DLG3: variants seen among roughly 807,000 people sequenced by gnomAD.
DLG3 encodes discs large MAGUK scaffold protein 3.
In DLG3, 1 loss-of-function variant was observed where a neutral mutation model predicts 64.1. The observed-to-expected ratio is 0.02, with a 90% CI of 0.01 to 0.07. The LOEUF is 0.07. DLG3 is among the 10% of genes least tolerant of loss of function. The pLI is 1.00. For missense variants in DLG3, 429 were observed against 669.5 expected, an observed-to-expected ratio of 0.64 and a Z score of 3.96; for synonymous variants, 245 against 259.8, an observed-to-expected ratio of 0.94 and a Z score of 0.55.
In DLG3 at chrX:70,498,654, G is replaced by A. The variant is rs902044469; in HGVS notation, c.1870+84G>A. On this transcript the variant is annotated intron_variant, in intron 14 of 18. Transcript: ENST00000374360. The stretch of plus-strand genomic sequence containing the variant: ...CAGTGGGTGGCTGTGGCAGCAGAGG[G>A]AGGGACCTGGAGGAGGAGGAAGGCT... The A allele has an allele frequency of 5.7e-6, 5 of 871,706 alleles. No homozygotes were observed. The African/African-American group carries it at 1.2e-4, about 21-fold the overall frequency. 71.8% of individuals were successfully genotyped at this position (871,706 alleles called of 1,213,427 possible).
chrX:70,466,664 T>C (rs984107764), intron 9 of DLG3, among the ~76,000 whole-genome samples: 2 of 110,747 alleles, frequency 1.8e-5, no homozygotes, highest in African/African-American at 6.6e-5. Context: ...GGCCTCGAAC[T>C]CCTGGCCTCA....
intron 10 of DLG3, among the ~76,000 whole-genome samples, chrX:70,486,372 T>C (rs1245167259): frequency 8.9e-6 from 1 of 111,942 alleles, no homozygotes; most frequent in African/African-American, 3.2e-5. Flanking sequence ...TTTCCATGAA[T>C]TTTATTCTCT....
intron 7 of DLG3, chrX:70,452,428 G>C (rs2086629103): frequency 1.3e-5 from 12 of 949,436 alleles, no homozygotes; most frequent in African/African-American, 6.2e-5. Flanking sequence ...GACTCTGACC[G>C]GCCCGGTGGC....
At chrX:70,495,822 C>G in intron 13 of DLG3, among the ~76,000 whole-genome samples, 1 of 111,505 alleles carries the variant, frequency 9.0e-6, no homozygotes, top group Non-Finnish European at 1.9e-5. Context: ...GATTCTTCTC[C>G]CAGTGATACC....
chrX:70,499,120 G>GGACA, intron 14 of DLG3, 56 bp from the exon 15 acceptor site: 1 of 904,364 alleles, frequency 1.1e-6, no homozygotes, highest in Non-Finnish European at 1.6e-6. Flanking sequence ...CTCAGGGGTA[G>GGACA]GACAGGCTGT....
chrX:70,494,202 G>T (rs1340935568), intron 12 of DLG3, among the ~76,000 whole-genome samples: 1 of 112,752 alleles, frequency 8.9e-6, no homozygotes, highest in African/African-American at 3.2e-5. Context: ...AACGGAAGAA[G>T]AAATTTAATC....
intron 9 of DLG3, among the ~76,000 whole-genome samples, chrX:70,471,000 G>A (rs73216725): frequency 0.031 from 3,443 of 111,076 alleles, 55 homozygotes; most frequent in Non-Finnish European, 0.047. Flanking sequence ...GTTTGGGTGG[G>A]TGAAAGGAGA....
chrX:70,476,631 A>T (rs1159079340), intron 9 of DLG3, among the ~76,000 whole-genome samples: 1 of 112,597 alleles, frequency 8.9e-6, no homozygotes, highest in African/African-American at 3.2e-5. Flanking sequence ...TAAAAATAAT[A>T]AACCCCAATT....
chrX:70,479,250 G>T lies in DLG3; in HGVS notation c.1506G>T (p.Arg502Ser). 1 of 1,203,376 alleles carries T rather than the reference G, an allele frequency of 8.3e-7. No homozygotes were observed. Among genetic ancestry groups the T allele is most frequent in the Non-Finnish European group, 1.1e-6 (1 of 887,684 alleles). Residue 502 changes from arginine to serine, a missense_variant, in exon 10 of 19, where the codon AGG becomes AGT. Coordinates refer to ENST00000374360, the MANE Select transcript of DLG3 (RefSeq NM_021120.4). ...GGTCCCTCCGAACAAGTGAAAAGAG[G>T]TCCTTGTATGTCAGGTAAGTTGCCC... ...GSGSLRTSEK[R>S]SLYVRALFDY...
chrX:70,494,195 G>A (rs1171702183), intron 12 of DLG3, among the ~76,000 whole-genome samples: 4 of 112,528 alleles, frequency 3.6e-5, no homozygotes, highest in African/African-American at 1.3e-4. Context: ...TAAATTCAAC[G>A]GAAGAAGAAA....
At chrX:70,452,859 C>A in intron 7 of DLG3, 1 of 825,113 alleles carries the variant, frequency 1.2e-6, no homozygotes, top group Non-Finnish European at 1.7e-6. Context: ...GGGCTTTGGG[C>A]TCCTCCGAGG....
In DLG3 at chrX:70,502,157, C is replaced by T; in HGVS notation, c.2348-6C>T. ...AGTAATAATTTTGTTTTCCTCTTCA[C>T]TTTAGCCATTGTACAGGGTGACTCA... On this transcript the variant is annotated splice_region_variant and splice_polypyrimidine_tract_variant and intron_variant, in intron 18 of 18. Coordinates refer to ENST00000374360, the MANE Select transcript of DLG3 (RefSeq NM_021120.4). The T allele has an allele frequency of 8.4e-7, 1 of 1,192,504 alleles. No individual in the cohort carries two copies. The highest frequency in any genetic ancestry group is 2.3e-4 in the Middle Eastern group (1 of 4,313).
chrX:70,476,212 T>C (rs1303483304), intron 9 of DLG3, among the ~76,000 whole-genome samples: 2 of 112,209 alleles, frequency 1.8e-5, no homozygotes, highest in Non-Finnish European at 3.8e-5. Flanking sequence ...TGGATATCTT[T>C]GTGGGTCACA....
At position 70,452,009 on chromosome X, in the gene DLG3, T is replaced by C. The variant is rs774029202; in HGVS notation, c.1128T>C (p.Ala376=). 4 of 1,208,943 alleles carry C rather than the reference T, an allele frequency of 3.3e-6. No homozygotes were observed. Among genetic ancestry groups the C allele is most frequent in the East Asian group, 5.9e-5 (2 of 33,730 alleles). Residue 376 remains alanine (A), a synonymous_variant, in exon 7 of 19, where the codon GCT becomes GCC. Transcript: ENST00000374360. ...RYSPIPRHML[A]EEDFTREPRK... is the part of the protein sequence containing the mutation. ...CTCCTATTCCCAGGCACATGCTGGC[T>C]GAGGAGGACTTCACCAGGTAAGACC...
chrX:70,449,655 G>A, intron 3 of DLG3, 35 bp from the exon 4 acceptor site: 4 of 1,206,184 alleles, frequency 3.3e-6, no homozygotes, highest in East Asian at 3.0e-5. Flanking sequence ...GAGGGGTAGG[G>A]GCACAGTGTC....
At chrX:70,492,030 C>T (rs777777960) in intron 10 of DLG3, 77 bp from the exon 11 acceptor site, 3 of 1,082,746 alleles carry the variant, frequency 2.8e-6, no homozygotes, top group Non-Finnish European at 3.8e-6. Context: ...TTTGGGTTGG[C>T]CTTCCATCTT....
chrX:70,452,686 C>A, intron 7 of DLG3: 2 of 1,202,850 alleles, frequency 1.7e-6, no homozygotes, highest in Non-Finnish European at 2.2e-6. Flanking sequence ...GCCTCCGCTT[C>A]GGCCTGGAGG....
intron 9 of DLG3, among the ~76,000 whole-genome samples, chrX:70,469,267 C>A (rs1214643859): frequency 9.0e-6 from 1 of 110,852 alleles, no homozygotes; most frequent in Non-Finnish European, 1.9e-5. Context: ...CACACCTTGG[C>A]CTCCCAAAAT....
In DLG3 at chrX:70,451,940, G is replaced by T; in HGVS notation, c.1059G>T (p.Lys353Asn). The T allele has an allele frequency of 8.3e-7, 1 of 1,211,388 alleles. No individual in the cohort carries two copies. Among genetic ancestry groups the T allele is most frequent in the Non-Finnish European group, 1.1e-6 (1 of 895,266 alleles). Residue 353 changes from lysine to asparagine, a missense_variant, in exon 7 of 19, where the codon AAG becomes AAT. Lys to Asn is a moderately conservative substitution (Grantham distance 94). Around this residue, in one of 9 missense-constraint regions of DLG3, gnomAD observed 54 missense variants for 54.4 expected, o/e 0.99. Coordinates refer to ENST00000374360, the MANE Select transcript of DLG3 (RefSeq NM_021120.4). ...GTTATCTCGGGGCTGTGGAGAGCAA[G>T]GTCAGCTACCCTGCTCCTCCTCAGG... ...SLGYLGAVESKVSYPAPPQVP... is the reference protein window; with the variant it reads ...SLGYLGAVESNVSYPAPPQVP...
Sources: allele counts gnomAD v4.1 joint callset (sites outside exome capture counted in the v4.1 genomes callset), GRCh38; gene constraint gnomAD v4.1.1; regional missense constraint gnomAD v4.1.1; transcripts MANE v1.5; gene names NCBI Gene and HGNC (gene_info 2026-07-23, HGNC 2026-07-21).